The following CCR7 variants were observed in gnomAD, a reference collection of about 807,000 sequenced individuals.
CCR7 encodes C-C motif chemokine receptor 7.
CCR7 carries 11 observed loss-of-function variants against 26.0 expected under a neutral mutation model. That is an observed-to-expected ratio of 0.42 (90% CI 0.27 to 0.70). CCR7 has a LOEUF of 0.70. Ranked by LOEUF, CCR7 falls within the 30% of genes least tolerant of loss-of-function variation. The pLI, the probability that CCR7 is intolerant of heterozygous loss-of-function variation, is 0.23. For missense variants in CCR7, 360 were observed against 504.0 expected (o/e 0.71, Z 2.74); for synonymous variants, 189 against 202.1 (o/e 0.94, Z 0.55).
rs1052926443 is a variant in CCR7, at chr17:40,554,580, G to C, written c.*162C>G. On this transcript the variant is annotated 3_prime_UTR_variant, in exon 3 of 3. Coordinates refer to ENST00000246657, the MANE Select transcript of CCR7 (RefSeq NM_001838.4). ...GCATTGGTTGAGGTAGCTGGGATTG[G>C]GGTGAAGCTATCTTCTGGAGCAGGG... The C allele has an allele frequency of 1.5e-6, 1 of 666,182 alleles. No individual in the cohort carries two copies. The highest frequency in any genetic ancestry group is 2.7e-6 in the Non-Finnish European group (1 of 376,272). The allele number at this position is 666,182 out of a possible 1,614,324, so 41.3% of individuals were successfully genotyped here. A position where few individuals can be genotyped will look rare whatever the true frequency, so the allele number is the denominator to read the frequency against.
At position 40,554,062 on chromosome 17, in the gene CCR7, A is replaced by G. The variant is rs147639115; in HGVS notation, c.*680T>C. On this transcript the variant is annotated 3_prime_UTR_variant, in exon 3 of 3. Coordinates refer to ENST00000246657, the MANE Select transcript of CCR7 (RefSeq NM_001838.4). ...CTCTGGAGCCCAGAGTGTGGCTTTGATCACGCGGAGGCAGCTGGCCTGGCC... is the reference window on the plus strand; with the variant it reads ...CTCTGGAGCCCAGAGTGTGGCTTTGGTCACGCGGAGGCAGCTGGCCTGGCC... 4.2e-4 allele frequency: 64 copies of G among 152,236 alleles called. 1 individual carries two copies. Among genetic ancestry groups the G allele is most frequent in the African/African-American group, 1.3e-3 (55 of 41,474 alleles). 9.4% of individuals were successfully genotyped at this position (152,236 alleles called of 1,614,324 possible).
intron 1 of CCR7, among the ~76,000 whole-genome samples, chr17:40,560,241 T>C (rs1041163566): frequency 6.6e-6 from 1 of 152,250 alleles, no homozygotes; most frequent in African/African-American, 2.4e-5. Flanking sequence ...AGTAGCCCTC[T>C]TCCCGTATCC....
At chr17:40,560,490 T>A (rs1373864255) in intron 1 of CCR7, among the ~76,000 whole-genome samples, 2 of 152,230 alleles carry the variant, frequency 1.3e-5, no homozygotes, top group Non-Finnish European at 2.9e-5. Flanking sequence ...AGGTTGCAGT[T>A]GGTTAATGTG....
rs754045581 is a variant in CCR7 at position 40,555,482 on chromosome 17, A to C, written c.397T>G (p.Phe133Val). The C allele has an allele frequency of 6.2e-7, 1 of 1,614,062 alleles. No homozygotes were observed. Residue 133 changes from phenylalanine (F) to valine (V), a missense_variant, in exon 3 of 3, where the codon TTT becomes GTT. Phe to Val is a conservative substitution (Grantham distance 50). Coordinates refer to ENST00000246657, the MANE Select transcript of CCR7 (RefSeq NM_001838.4). This position sits in a 1 kb window ranked among gnomAD's most constrained non-coding sequence, Gnocchi z 5.6. ...AAGAAGCTCATCTTGTAGATGGCAA[A>C]GATGAGCTTGCAAAAGTGGACACCG... ...VFGVHFCKLI[F>V]AIYKMSFFSG...
intron 1 of CCR7, among the ~76,000 whole-genome samples, chr17:40,562,943 A>G (rs1018953): frequency 6.6e-6 from 1 of 151,832 alleles, no homozygotes; most frequent in Non-Finnish European, 1.5e-5. Flanking sequence ...CATTCCCTCT[A>G]TTACCTTGTC....
At chr17:40,565,322 C>T (rs937697272) in intron 1 of CCR7, 78 bp downstream of exon 1, 35 of 1,265,666 alleles carry the variant, frequency 2.8e-5, no homozygotes, top group Non-Finnish European at 3.8e-5. Context: ...CCCGCATCCT[C>T]CACCCCCATT....
Position 40,565,415 on chromosome 17 carries a change from T to C in CCR7, c.-6A>G, listed in dbSNP as rs1395735095. 6.2e-7 allele frequency: 1 copy of C among 1,613,564 alleles called. No homozygotes were observed. The highest frequency in any genetic ancestry group is 1.1e-5 in the South Asian group (1 of 91,066). ...GCTCACTCACCCAGGTCCATGACGC[T>C]CTCTGGGCGGTAAAACCACACAGGA... is the stretch of plus-strand genomic sequence containing the variant. On this transcript the variant is annotated 5_prime_UTR_variant, in exon 1 of 3. Coordinates refer to ENST00000246657, the MANE Select transcript of CCR7 (RefSeq NM_001838.4).
In CCR7 at chr17:40,554,873, C is replaced by T; in HGVS notation, c.1006G>A (p.Asp336Asn). 5.0e-6 allele frequency: 8 copies of T among 1,614,182 alleles called. No homozygotes were observed. Among genetic ancestry groups the T allele is most frequent in the South Asian group, 3.3e-5 (3 of 91,068 alleles). Residue 336 changes from aspartate (D) to asparagine (N), a missense_variant, in exon 3 of 3, where the codon GAT (aspartate) becomes AAT (asparagine). Physicochemically the swap from Asp to Asn is conservative, Grantham distance 23. Coordinates refer to ENST00000246657, the MANE Select transcript of CCR7 (RefSeq NM_001838.4). The stretch of plus-strand genomic sequence containing the variant: ...AGGTCCTTGAAGAGCTTGAAGAGAT[C>T]GTTGCGGAACTTGACGCCGATGAAG... Reference protein sequence around the residue: ...YAFIGVKFRNDLFKLFKDLGC... With the variant: ...YAFIGVKFRNNLFKLFKDLGC...
At chr17:40,563,803 A>T (rs1455103819) in intron 1 of CCR7, among the ~76,000 whole-genome samples, 2 of 152,076 alleles carry the variant, frequency 1.3e-5, no homozygotes, top group Admixed American at 6.5e-5. Flanking sequence ...CCCTAAACCT[A>T]GTCTGGGGTA....
intron 2 of CCR7, among the ~76,000 whole-genome samples, chr17:40,558,301 G>C (rs964555415): frequency 1.3e-5 from 2 of 152,256 alleles, no homozygotes; most frequent in South Asian, 4.2e-4. Flanking sequence ...TAAAGTGAGG[G>C]TCTTTGTTCC....
chr17:40,565,300 C>T, intron 1 of CCR7, 100 bp downstream of exon 1: 2 of 1,034,882 alleles, frequency 1.9e-6, no homozygotes, highest in South Asian at 2.5e-5. Flanking sequence ...GGAAGCACCC[C>T]TATGCGCTCC....
intron 1 of CCR7, among the ~76,000 whole-genome samples, 190 bp downstream of exon 1, chr17:40,565,210 G>C (rs2036696607): frequency 6.6e-6 from 1 of 152,114 alleles, no homozygotes. Flanking sequence ...TGAAAGGGCA[G>C]GTGCACCCCT....
At position 40,553,966 on chromosome 17, in the gene CCR7, C is replaced by CGCCCCTGA. The variant is rs2036544828; in HGVS notation, c.*768_*775dup. On this transcript the variant is annotated 3_prime_UTR_variant, in exon 3 of 3. Coordinates refer to ENST00000246657, the MANE Select transcript of CCR7 (RefSeq NM_001838.4). ...CTTGGGCGGCCACTGTCACCCTCCCCGCCCCTGACATTTCCCTTGTCCTCT... is the reference window on the plus strand; with the variant it reads ...CTTGGGCGGCCACTGTCACCCTCCCCGCCCCTGAGCCCCTGACATTTCCCTTGTCCTCT... The CGCCCCTGA allele has an allele frequency of 6.6e-6, 1 of 152,090 alleles. No individual in the cohort carries two copies. 9.4% of individuals were successfully genotyped at this position (152,090 alleles called of 1,614,324 possible). A position where few individuals can be genotyped will look rare whatever the true frequency, so the allele number is the denominator to read the frequency against.
chr17:40,554,934 G>T lies in CCR7; in HGVS notation c.945C>A (p.Ala315=). 6.2e-7 allele frequency: 1 copy of T among 1,614,244 alleles called. No individual in the cohort carries two copies. Among genetic ancestry groups the T allele is most frequent in the Non-Finnish European group, 8.5e-7 (1 of 1,180,046 alleles). ...NIAYDVTYSL[A]CVRCCVNPFL... is the part of the protein sequence containing the mutation. ...AAGGGTTGACGCAGCAGCGGACGCA[G>T]GCCAGGCTGTAGGTGACGTCGTAGG... is the stretch of plus-strand genomic sequence containing the variant. The change falls in exon 3 of 3, where the codon GCC becomes GCA. Residue 315 remains alanine (A), a synonymous_variant. Coordinates refer to ENST00000246657, the MANE Select transcript of CCR7 (RefSeq NM_001838.4).
Position 40,554,740 on chromosome 17 carries a change from G to A in CCR7, c.*2C>T, listed in dbSNP as rs371882270. 8.1e-6 allele frequency: 13 copies of A among 1,597,872 alleles called. No individual in the cohort carries two copies. Among genetic ancestry groups the A allele is most frequent in the South Asian group, 3.4e-5 (3 of 89,146 alleles). On this transcript the variant is annotated 3_prime_UTR_variant, in exon 3 of 3. Coordinates refer to ENST00000246657, the MANE Select transcript of CCR7 (RefSeq NM_001838.4). ...TCCCTCTAGTCCAGGCAGAAGAGTC[G>A]CCTATGGGGAGAAGGTGGTGGTGGT...
chr17:40,562,382 C>A (rs942290891), intron 1 of CCR7, among the ~76,000 whole-genome samples: 1 of 152,076 alleles, frequency 6.6e-6, no homozygotes, highest in Non-Finnish European at 1.5e-5. Context: ...TTCTGATGAG[C>A]CTGCTGCATC....
chr17:40,559,338 G>A (rs900404277), intron 1 of CCR7, among the ~76,000 whole-genome samples: 1 of 152,230 alleles, frequency 6.6e-6, no homozygotes, highest in Non-Finnish European at 1.5e-5. Flanking sequence ...GGGATGAGGC[G>A]GCAAAGCTAT....
At chr17:40,557,481 A>C (rs772600662) in intron 2 of CCR7, among the ~76,000 whole-genome samples, 2 of 152,230 alleles carry the variant, frequency 1.3e-5, no homozygotes, top group Non-Finnish European at 2.9e-5. Flanking sequence ...TGAGGACAAA[A>C]TGATGTCCAG....
chr17:40,554,791 C>A lies in CCR7; in HGVS notation c.1088G>T (p.Arg363Leu). The change falls in exon 3 of 3, where the codon CGC becomes CTC. Residue 363 changes from arginine to leucine, a missense_variant. Arg to Leu is a moderately radical substitution (Grantham distance 102, BLOSUM62 -2). Coordinates refer to ENST00000246657, the MANE Select transcript of CCR7 (RefSeq NM_001838.4). ...CTCGGCCTCCACACTCATGGAGGAG[C>A]GCCGGATGTGCCGACAGGAAGACCA... Reference protein sequence around the residue: ...RQWSSCRHIRRSSMSVEAETT... With the variant: ...RQWSSCRHIRLSSMSVEAETT... The A allele has an allele frequency of 6.2e-7, 1 of 1,613,744 alleles. No homozygotes were observed. Among genetic ancestry groups the A allele is most frequent in the Non-Finnish European group, 8.5e-7 (1 of 1,179,890 alleles).
Sources: gnomAD v4.1 joint callset for allele counts (sites outside exome capture counted in the v4.1 genomes callset) on GRCh38, gnomAD v4.1.1 for gene constraint, Gnocchi (gnomAD v3.1) non-coding constraint, MANE v1.5 for transcripts, NCBI Gene and HGNC (gene_info 2026-07-23, HGNC 2026-07-21) for gene names.